Variants in MYO18B observed in about 807,000 individuals in gnomAD.
The protein encoded by MYO18B is myosin XVIIIB.
A neutral mutation model predicts 273.0 loss-of-function variants in MYO18B; 204 were observed. The ratio of observed to expected loss-of-function variants is 0.75; its 90% CI spans 0.67 to 0.84. The LOEUF (loss-of-function observed/expected upper bound fraction) is 0.84, where lower values mean the gene tolerates loss of function less well. Ranked by LOEUF, MYO18B falls within the 40% of genes least tolerant of loss-of-function variation. The pLI is 0.00. For synonymous variants in MYO18B, 1,330 were observed against 1,305.7 expected (o/e 1.02, Z -0.40); for missense variants, 3,212 against 3,287.6 (o/e 0.98, Z 0.56).
intron 38 of MYO18B, among the ~76,000 whole-genome samples, chr22:25,953,235 C>T (rs1381805030): frequency 3.3e-5 from 5 of 152,184 alleles, no homozygotes; most frequent in African/African-American, 7.2e-5. Context: ...AAAATCCTTT[C>T]ACATAAGCCA....
rs749189723 is a variant in MYO18B at position 25,823,587 on chromosome 22, G to C, written c.2604G>C (p.Thr868=). ...ALGCEYEELN[T]ATFKHHLRQI... ...GCTGCGAGTATGAGGAGCTGAACAC[G>C]GCCACCTTCAAGCACCACCTTCGAC... Residue 868 remains threonine (T), a synonymous_variant, in exon 13 of 44, where the codon ACG becomes ACC. Transcript: ENST00000335473. The C allele has an allele frequency of 5.0e-6, 8 of 1,613,812 alleles. No homozygotes were observed. The highest frequency in any genetic ancestry group is 1.3e-5 in the African/African-American group (1 of 74,894).
the MYO18B span, among the ~76,000 whole-genome samples, chr22:26,043,324 T>C: frequency 3.3e-5 from 5 of 152,298 alleles, no homozygotes; most frequent in East Asian, 5.8e-4. Flanking sequence ...ATTTAGACTG[T>C]TTCCAGTTTG....
chr22:26,047,632 T>C, the MYO18B span, among the ~76,000 whole-genome samples: 2 of 152,082 alleles, frequency 1.3e-5, no homozygotes, highest in East Asian at 3.8e-4. Flanking sequence ...CAAACAGATA[T>C]GTTGTAAGCA....
At chr22:25,904,076 A>G (rs991434792) in intron 31 of MYO18B, among the ~76,000 whole-genome samples, 2 of 152,090 alleles carry the variant, frequency 1.3e-5, no homozygotes, top group Non-Finnish European at 2.9e-5. Flanking sequence ...AATAGCTCCC[A>G]CTAGGTTGCA....
At chr22:25,840,122 T>A (rs2090038371) in intron 17 of MYO18B, among the ~76,000 whole-genome samples, 1 of 152,186 alleles carries the variant, frequency 6.6e-6, no homozygotes, top group Admixed American at 6.5e-5. Context: ...TTTCTCTGCT[T>A]GCTTGCCTGC....
chr22:25,810,458 G>A (rs996944424), intron 12 of MYO18B, among the ~76,000 whole-genome samples: 1 of 131,354 alleles, frequency 7.6e-6, no homozygotes, highest in African/African-American at 3.0e-5. Context: ...TTTTGAGATG[G>A]TGTCTCTCTG....
the MYO18B span, among the ~76,000 whole-genome samples, chr22:26,044,840 A>G: frequency 6.6e-6 from 1 of 152,222 alleles, no homozygotes; most frequent in Non-Finnish European, 1.5e-5. Context: ...ATATTCAAGT[A>G]TAAGGAGAAG....
chr22:25,904,076 A>C (rs991434792), intron 31 of MYO18B, among the ~76,000 whole-genome samples: 1 of 152,090 alleles, frequency 6.6e-6, no homozygotes, highest in African/African-American at 2.4e-5. Flanking sequence ...AATAGCTCCC[A>C]CTAGGTTGCA....
chr22:25,906,761 C>T (rs1200334451), intron 31 of MYO18B, among the ~76,000 whole-genome samples: 6 of 152,026 alleles, frequency 3.9e-5, no homozygotes, highest in African/African-American at 9.7e-5. Flanking sequence ...GGGAAGCAGG[C>T]AAGTCTTACA....
intron 5 of MYO18B, 117 bp downstream of exon 5, chr22:25,770,293 C>A: frequency 1.1e-6 from 1 of 927,958 alleles, no homozygotes; most frequent in Non-Finnish European, 1.7e-6. Flanking sequence ...GGAAGAGGAG[C>A]AGTGGAGACT....
intron 39 of MYO18B, among the ~76,000 whole-genome samples, chr22:25,958,049 A>G (rs2092874734): frequency 6.6e-6 from 1 of 151,278 alleles, no homozygotes; most frequent in African/African-American, 2.4e-5. Flanking sequence ...CAAGTAGCTG[A>G]GACTACAGAT....
chr22:25,832,958 A>G lies in MYO18B; in HGVS notation c.3021A>G (p.Pro1007=). 1 of 1,613,764 alleles carries G rather than the reference A, an allele frequency of 6.2e-7. No homozygotes were observed. Among genetic ancestry groups the G allele is most frequent in the Non-Finnish European group, 8.5e-7 (1 of 1,179,850 alleles). Residue 1007 remains proline, a synonymous_variant, in exon 16 of 44, where the codon CCA becomes CCG. Coordinates refer to ENST00000335473, the MANE Select transcript of MYO18B (RefSeq NM_032608.7). ...PVQFDLPDPS[P]GTTVAVVDQN... ...AGTTTGACCTCCCGGACCCCTCCCC[A>G]GGGACCACCGTGGCTGTTGTGGATC...
chr22:25,891,534 C>T, intron 27 of MYO18B, 122 bp downstream of exon 27: 1 of 644,874 alleles, frequency 1.6e-6, no homozygotes. Flanking sequence ...GCGACTTTGG[C>T]AGAGCAAACA....
At chr22:25,980,918 G>A (rs1000675898) in intron 39 of MYO18B, among the ~76,000 whole-genome samples, 2 of 152,078 alleles carry the variant, frequency 1.3e-5, no homozygotes, top group African/African-American at 2.4e-5. Flanking sequence ...AAAGGCCCTC[G>A]GAAAGAAACT....
chr22:25,777,688 C>T lies in MYO18B; in HGVS notation c.1975C>T (p.Leu659=), dbSNP rs1285009576. Residue 659 remains leucine, a synonymous_variant, in exon 8 of 44, where the codon CTG becomes TTG. Transcript: ENST00000335473. ...NQRRDQSIVA[L]GWSGAGKTTC... The stretch of plus-strand genomic sequence containing the variant: ...GCGGAGAGACCAGAGCATTGTGGCC[C>T]TGGGCTGGAGTGGCGCTGGGAAGAC... The T allele has an allele frequency of 1.9e-5, 30 of 1,613,136 alleles. No homozygotes were observed. Among genetic ancestry groups the T allele is most frequent in the Admixed American group, 3.3e-5 (2 of 59,932 alleles).
In MYO18B at chr22:25,925,902, CAA is replaced by C. The variant is rs34754921; in HGVS notation, c.5517+4513_5517+4514del. On this transcript the variant is annotated intron_variant, in intron 34 of 43. Transcript: ENST00000335473. ...CATGGGCAACAGAGCAAGACTCTGT[CAA>C]AAAAAAAAAAAAAAAAAAAGGCCAG... Among the ~76,000 whole-genome samples the C allele has an allele frequency of 1.6e-3, 102 of 65,754 alleles. No homozygotes were observed. The South Asian group carries it at 0.04, about 26-fold the overall frequency. The allele number at this position is 65,754 out of a possible 152,430, so 43.1% of individuals were successfully genotyped here. A position where few individuals can be genotyped will look rare whatever the true frequency, so the allele number is the denominator to read the frequency against.
intron 21 of MYO18B, among the ~76,000 whole-genome samples, chr22:25,858,301 G>T (rs113587154): frequency 6.6e-6 from 1 of 152,204 alleles, no homozygotes. Flanking sequence ...ATAGCAAAGT[G>T]TCTGGTACAT....
At chr22:25,905,474 T>C (rs1414206068) in intron 31 of MYO18B, among the ~76,000 whole-genome samples, 8 of 152,122 alleles carry the variant, frequency 5.3e-5, no homozygotes, top group Non-Finnish European at 1.2e-4. Context: ...AATGTTGAAC[T>C]TGAAGATCTG....
At chr22:25,824,669 C>T (rs931244653) in intron 13 of MYO18B, among the ~76,000 whole-genome samples, 27 of 152,086 alleles carry the variant, frequency 1.8e-4, no homozygotes, top group Non-Finnish European at 1.9e-4. Flanking sequence ...CCAGGGACTT[C>T]GGCGTGAGGA....
Sources: allele counts gnomAD v4.1 joint callset (sites outside exome capture counted in the v4.1 genomes callset), GRCh38; gene constraint gnomAD v4.1.1; transcripts MANE v1.5; gene names NCBI Gene and HGNC (gene_info 2026-07-23, HGNC 2026-07-21).